Variants in ADGRD1 observed in about 807,000 individuals in gnomAD.
ADGRD1 encodes the protein G-protein coupled receptor 133.
Under a neutral mutation model 113.4 loss-of-function variants are expected in ADGRD1, and 77 were observed. The observed-to-expected ratio is 0.68, with a 90% CI of 0.57 to 0.82. The LOEUF is 0.82. Among genes scored for constraint, ADGRD1 ranks in the 40% least tolerant of loss-of-function variants. The probability of loss-of-function intolerance (pLI) is 0.00; values close to 1 mark genes in which losing one functional copy is unlikely to be tolerated. For synonymous variants in ADGRD1, 474 were observed against 475.0 expected, an observed-to-expected ratio of 1.00 and a Z score of 0.03; for missense variants, 1,036 against 1,139.1, an observed-to-expected ratio of 0.91 and a Z score of 1.30.
In ADGRD1 at chr12:131,003,394, G is replaced by A; in HGVS notation, c.1144+92G>A. The A allele has an allele frequency of 1.1e-6, 1 of 897,940 alleles. No homozygotes were observed. Among genetic ancestry groups the A allele is most frequent in the Admixed American group, 1.7e-5 (1 of 57,484 alleles). The allele number at this position is 897,940 out of a possible 1,614,324, so 55.6% of individuals were successfully genotyped here. On this transcript the variant is annotated intron_variant, in intron 10 of 24. Coordinates refer to ENST00000261654, the MANE Select transcript of ADGRD1 (RefSeq NM_198827.5). This position sits in a 1 kb window ranked among gnomAD's most constrained non-coding sequence, Gnocchi z 4.8. ...TGTCTTTTTACACCCTTAGCAGAGA[G>A]CCATGCTCTGTCTCCCTGACTGCTC...
chr12:131,020,972 A>G (rs1386205899), intron 13 of ADGRD1, among the ~76,000 whole-genome samples: 1 of 152,208 alleles, frequency 6.6e-6, no homozygotes, highest in Non-Finnish European at 1.5e-5. Context: ...GCTAATTCAA[A>G]TTTGTTTCCA....
chr12:131,009,704 T>C (rs1218899172), intron 12 of ADGRD1, among the ~76,000 whole-genome samples: 3 of 152,102 alleles, frequency 2.0e-5, no homozygotes, highest in African/African-American at 7.2e-5. Flanking sequence ...ATGTGCGTTA[T>C]GTGTGCACAT....
chr12:131,100,163 T>G (rs1321471167), intron 15 of ADGRD1, among the ~76,000 whole-genome samples: 1 of 151,290 alleles, frequency 6.6e-6, no homozygotes, highest in Non-Finnish European at 1.5e-5. Context: ...GTTAGGTTAG[T>G]TGGTAGTGGG....
At chr12:130,989,687 G>A (rs1874128917) in intron 6 of ADGRD1, 1 of 152,426 alleles carries the variant, frequency 6.6e-6, no homozygotes, top group African/African-American at 2.4e-5. Context: ...GGTGCCCAGA[G>A]GGGGCTTTTT....
rs1452627036 is a variant in ADGRD1 at position 131,000,392 on chromosome 12, A to G, written c.976A>G (p.Lys326Glu). ...TTTTGTCCACCTTTAGACCTTCTTA[A>G]AAGCCGTGGGAGAGATCCTTCTACT... The part of the protein sequence containing the change: ...TALNLTKTFL[K>E]AVGEILLLPG... Residue 326 changes from lysine (K) to glutamate (E), a missense_variant, in exon 9 of 25, where the codon AAA (lysine) becomes GAA (glutamate). Transcript: ENST00000261654. The G allele has an allele frequency of 6.2e-7, 1 of 1,613,098 alleles. No homozygotes were observed. The highest frequency in any genetic ancestry group is 2.2e-5 in the East Asian group (1 of 44,860).
At chr12:131,061,923 A>C (rs1463255056) in intron 13 of ADGRD1, among the ~76,000 whole-genome samples, 2 of 152,346 alleles carry the variant, frequency 1.3e-5, no homozygotes, top group East Asian at 3.9e-4. Flanking sequence ...GCCACTCAGC[A>C]TAATGCCCAT....
intron 13 of ADGRD1, among the ~76,000 whole-genome samples, chr12:131,038,714 G>T (rs1022550348): frequency 6.6e-6 from 1 of 152,238 alleles, no homozygotes; most frequent in Non-Finnish European, 1.5e-5. Flanking sequence ...CACAGCCGGG[G>T]TGCAGGTGAG....
chr12:131,018,527 T>G (rs1201436398), intron 13 of ADGRD1, among the ~76,000 whole-genome samples: 1 of 152,058 alleles, frequency 6.6e-6, no homozygotes, highest in East Asian at 1.9e-4. Context: ...TCCCTCGTGC[T>G]GCCCCATCAT....
At chr12:131,058,287 G>A (rs941388635) in intron 13 of ADGRD1, among the ~76,000 whole-genome samples, 1 of 152,144 alleles carries the variant, frequency 6.6e-6, no homozygotes, top group South Asian at 2.1e-4. Flanking sequence ...GAAGCGTCGT[G>A]AGCGTCCTGG....
chr12:131,100,396 A>T (rs1370610895), intron 15 of ADGRD1, among the ~76,000 whole-genome samples: 1 of 150,444 alleles, frequency 6.6e-6, no homozygotes, highest in Non-Finnish European at 1.5e-5. Flanking sequence ...TTGGTTGATG[A>T]TGGGTTGGTT....
chr12:130,981,530 G>A (rs1304477245), intron 4 of ADGRD1, among the ~76,000 whole-genome samples: 1 of 151,684 alleles, frequency 6.6e-6, no homozygotes, highest in Non-Finnish European at 1.5e-5. Context: ...TGATCCCGGG[G>A]AGTGGGGGCG....
At chr12:131,133,225 G>A (rs1210917001) in intron 21 of ADGRD1, among the ~76,000 whole-genome samples, 1 of 152,102 alleles carries the variant, frequency 6.6e-6, no homozygotes, top group Non-Finnish European at 1.5e-5. Flanking sequence ...CAGCCAGTCT[G>A]TTGCCAGCTT....
intron 13 of ADGRD1, among the ~76,000 whole-genome samples, chr12:131,067,153 AG>A (rs1884787971): frequency 6.6e-6 from 1 of 152,130 alleles, no homozygotes; most frequent in South Asian, 2.1e-4. Context: ...CTAACTGACA[AG>A]GGCATGACTC....
intron 6 of ADGRD1, chr12:130,989,182 A>C (rs186082882): frequency 6.6e-6 from 1 of 152,202 alleles, no homozygotes; most frequent in South Asian, 2.1e-4. Context: ...ACTGCATTTT[A>C]TTGCCTAGGG....
At chr12:131,130,119 G>T (rs1022827617) in intron 20 of ADGRD1, among the ~76,000 whole-genome samples, 2 of 152,236 alleles carry the variant, frequency 1.3e-5, no homozygotes, top group Non-Finnish European at 2.9e-5. Context: ...TCTTCTCGTC[G>T]TTACACAGTG....
intron 22 of ADGRD1, 121 bp from the exon 23 acceptor site, chr12:131,136,852 G>A (rs555914151): frequency 1.2e-6 from 1 of 828,610 alleles, no homozygotes; most frequent in South Asian, 1.4e-5. Flanking sequence ...CCCAGGTCAT[G>A]GGACCTGGTG....
intron 8 of ADGRD1, among the ~76,000 whole-genome samples, chr12:130,997,953 G>A (rs1165891633): frequency 1.3e-5 from 2 of 152,186 alleles, no homozygotes; most frequent in African/African-American, 2.4e-5. Context: ...TGCAATCCCC[G>A]CACCTCCGGA....
In ADGRD1 at chr12:130,992,317, G is replaced by C. The variant is rs1874519942; in HGVS notation, c.891G>C (p.Leu297=). ...CCTTCCAAAGTCCCGGAGTGATACTGAGTTACCTCCAAAATGTATCCCTCA... is the reference window on the plus strand; with the variant it reads ...CCTTCCAAAGTCCCGGAGTGATACTCAGTTACCTCCAAAATGTATCCCTCA... ...RKTFQSPGVI[L]SYLQNVSLSL... Residue 297 remains leucine (L), a synonymous_variant, in exon 8 of 25, where the codon CTG becomes CTC. Coordinates refer to ENST00000261654, the MANE Select transcript of ADGRD1 (RefSeq NM_198827.5). 1 of 1,612,418 alleles carries C rather than the reference G, an allele frequency of 6.2e-7. No individual in the cohort carries two copies. Among genetic ancestry groups the C allele is most frequent in the Non-Finnish European group, 8.5e-7 (1 of 1,178,558 alleles).
chr12:131,129,570 A>T (rs574974481), intron 20 of ADGRD1, among the ~76,000 whole-genome samples: 3 of 151,980 alleles, frequency 2.0e-5, no homozygotes, highest in African/African-American at 7.3e-5. Context: ...GTTACAGATG[A>T]GGCCCCCGCC....
Sources: gnomAD v4.1 joint callset for allele counts (sites outside exome capture counted in the v4.1 genomes callset) on GRCh38, gnomAD v4.1.1 for gene constraint, Gnocchi (gnomAD v3.1) non-coding constraint, MANE v1.5 for transcripts, NCBI Gene and HGNC (gene_info 2026-07-23, HGNC 2026-07-21) for gene names.